Variants in LHFPL7 observed in about 807,000 individuals in gnomAD.
The protein encoded by LHFPL7 is LHFPL tetraspan subfamily member 7.
At chr22:24,938,348 A>G in the LHFPL7 span, 2 of 1,612,438 alleles carry the variant, frequency 1.2e-6, no homozygotes, top group Non-Finnish European at 1.7e-6. Flanking sequence ...GCCTCCGAGG[A>G]GCATCACAGC....
At chr22:24,937,798 C>G in the LHFPL7 span, among the ~76,000 whole-genome samples, 1 of 152,240 alleles carries the variant, frequency 6.6e-6, no homozygotes, top group African/African-American at 2.4e-5. Flanking sequence ...TCAGCATCTT[C>G]TCAGTTCTCA....
the LHFPL7 span, among the ~76,000 whole-genome samples, chr22:24,941,099 G>A: frequency 6.6e-6 from 1 of 150,418 alleles, no homozygotes; most frequent in South Asian, 2.1e-4. Context: ...ATGTCATTTT[G>A]TGTGGAGTTA....
the LHFPL7 span, among the ~76,000 whole-genome samples, chr22:24,945,573 A>G: frequency 6.6e-6 from 1 of 152,228 alleles, no homozygotes. Context: ...CAGAAGGAAC[A>G]TGTTTACTAG....
At chr22:24,945,591 G>C in the LHFPL7 span, among the ~76,000 whole-genome samples, 1 of 152,212 alleles carries the variant, frequency 6.6e-6, no homozygotes, top group Non-Finnish European at 1.5e-5. Context: ...TAGGGCAGCC[G>C]GAGGTGTCTG....
chr22:24,941,192 A>G, the LHFPL7 span, among the ~76,000 whole-genome samples: 2 of 150,048 alleles, frequency 1.3e-5, no homozygotes, highest in Non-Finnish European at 3.0e-5. Context: ...TTTGAAACAG[A>G]GTCTTGCTGT....
At chr22:24,939,720 G>T in the LHFPL7 span, among the ~76,000 whole-genome samples, 1 of 152,054 alleles carries the variant, frequency 6.6e-6, no homozygotes, top group Non-Finnish European at 1.5e-5. Flanking sequence ...ACTGTGGTCT[G>T]GTAGTGGGGG....
At chr22:24,945,656 T>C in the LHFPL7 span, among the ~76,000 whole-genome samples, 4 of 152,116 alleles carry the variant, frequency 2.6e-5, no homozygotes, top group South Asian at 4.1e-4. Flanking sequence ...AACCCATCAA[T>C]CGATATATAC....
the LHFPL7 span, among the ~76,000 whole-genome samples, chr22:24,936,952 C>G: frequency 6.6e-6 from 1 of 151,316 alleles, no homozygotes; most frequent in Non-Finnish European, 1.5e-5. Flanking sequence ...TGCAAGCAAG[C>G]CTAGGACAAG....
At chr22:24,938,131 C>T in the LHFPL7 span, 2 of 1,612,590 alleles carry the variant, frequency 1.2e-6, no homozygotes, top group Non-Finnish European at 1.7e-6. Context: ...TGACTATGTG[C>T]CTGTGCATTG....
chr22:24,937,442 T>C, the LHFPL7 span, among the ~76,000 whole-genome samples: 3 of 152,128 alleles, frequency 2.0e-5, no homozygotes, highest in African/African-American at 4.8e-5. Flanking sequence ...TGGAGCCTCA[T>C]AGGCTACGGT....
chr22:24,944,301 G>C, the LHFPL7 span, among the ~76,000 whole-genome samples: 1 of 152,134 alleles, frequency 6.6e-6, no homozygotes, highest in African/African-American at 2.4e-5. Flanking sequence ...AAGTGCCCTA[G>C]AGAAAAATGA....
At chr22:24,937,350 C>A in the LHFPL7 span, among the ~76,000 whole-genome samples, 1 of 152,060 alleles carries the variant, frequency 6.6e-6, no homozygotes, top group South Asian at 2.1e-4. Flanking sequence ...CAACAGATTG[C>A]AAATCAGAAT....
At chr22:24,944,789 C>T in the LHFPL7 span, among the ~76,000 whole-genome samples, 2 of 151,100 alleles carry the variant, frequency 1.3e-5, no homozygotes, top group Non-Finnish European at 2.9e-5. Context: ...TCTATGTTGC[C>T]CAGACTGGTC....
the LHFPL7 span, among the ~76,000 whole-genome samples, chr22:24,940,428 C>G: frequency 6.7e-6 from 1 of 149,492 alleles, no homozygotes; most frequent in African/African-American, 2.4e-5. Context: ...TCCGTCTCTA[C>G]TAAAAATACA....
the LHFPL7 span, among the ~76,000 whole-genome samples, chr22:24,936,843 GT>G: frequency 7.9e-5 from 12 of 152,128 alleles, no homozygotes; most frequent in African/African-American, 2.4e-4. Flanking sequence ...GTTTCCTGGA[GT>G]TTTTTCTAGC....
chr22:24,938,189 C>T, the LHFPL7 span: 11 of 1,614,220 alleles, frequency 6.8e-6, no homozygotes, highest in Middle Eastern at 1.6e-4. Context: ...CACTGCTTCT[C>T]CTTGGGCACA....
At chr22:24,939,730 G>C in the LHFPL7 span, among the ~76,000 whole-genome samples, 4 of 152,004 alleles carry the variant, frequency 2.6e-5, no homozygotes, top group African/African-American at 9.7e-5. Flanking sequence ...GGTAGTGGGG[G>C]TTACTTTGCC....
chr22:24,944,182 C>T, the LHFPL7 span, among the ~76,000 whole-genome samples: 13 of 152,080 alleles, frequency 8.5e-5, no homozygotes, highest in East Asian at 2.3e-3. Flanking sequence ...GAGGATTCAG[C>T]AGTGAGGAAA....
the LHFPL7 span, among the ~76,000 whole-genome samples, chr22:24,944,834 C>T: frequency 4.6e-5 from 7 of 151,090 alleles, no homozygotes; most frequent in East Asian, 1.9e-4. Flanking sequence ...TTTTTGAGAC[C>T]GAGTCTTGCT....
Sources: gnomAD v4.1 joint callset for allele counts (sites outside exome capture counted in the v4.1 genomes callset) on GRCh38, gnomAD v4.1.1 for gene constraint, MANE v1.5 for transcripts, NCBI Gene and HGNC (gene_info 2026-07-23, HGNC 2026-07-21) for gene names.